Variants in ATG7 observed in about 807,000 individuals in gnomAD.
ATG7 encodes the protein ubiquitin-like modifier-activating enzyme ATG7.
ATG7 carries 70 observed loss-of-function variants against 82.4 expected under a neutral mutation model. That is an observed-to-expected ratio of 0.85 (90% CI 0.70 to 1.04). The LOEUF (loss-of-function observed/expected upper bound fraction) is 1.04, where lower values mean the gene tolerates loss of function less well. Ranked by LOEUF, ATG7 falls within the 50% of genes least tolerant of loss-of-function variation. ATG7 has a pLI of 0.00. For synonymous variants in ATG7, 287 were observed against 313.0 expected, an observed-to-expected ratio of 0.92 and a Z score of 0.88; for missense variants, 792 against 864.3, an observed-to-expected ratio of 0.92 and a Z score of 1.05.
At chr3:11,517,628 G>A (rs17536147) in intron 20 of ATG7, among the ~76,000 whole-genome samples, 2 of 152,328 alleles carry the variant, frequency 1.3e-5, no homozygotes, top group Admixed American at 1.3e-4. Context: ...GGCTTCACTA[G>A]AGGTTTTCGA....
At chr3:11,564,097 C>A in the ATG7 span, among the ~76,000 whole-genome samples, 2 of 152,192 alleles carry the variant, frequency 1.3e-5, no homozygotes, top group Non-Finnish European at 2.9e-5. Context: ...AGGTCGCAGT[C>A]CCTGGAGATT....
At chr3:11,503,661 C>CA (rs1284372259) in intron 20 of ATG7, among the ~76,000 whole-genome samples, 1 of 145,358 alleles carries the variant, frequency 6.9e-6, no homozygotes, top group Admixed American at 7.3e-5. Flanking sequence ...GAGGCTGAGG[C>CA]AGGAGAATCG....
At chr3:11,423,252 G>A (rs4684779) in intron 19 of ATG7, among the ~76,000 whole-genome samples, 2,696 of 152,176 alleles carry the variant, frequency 0.018, 82 homozygotes, top group East Asian at 0.084. Context: ...TATTAAGGTC[G>A]CCATCTTATA....
chr3:11,461,238 C>G (rs571204372), intron 20 of ATG7, among the ~76,000 whole-genome samples: 77 of 152,294 alleles, frequency 5.1e-4, no homozygotes, highest in Non-Finnish European at 9.9e-4. Flanking sequence ...TGGCATTTTA[C>G]CCAAGGCCAT....
At chr3:11,559,246 G>A (rs1029171519), downstream of ATG7, 32 of 1,453,540 alleles carry the variant, frequency 2.2e-5, no homozygotes, top group African/African-American at 7.1e-5. Context: ...GCTCAGGGGC[G>A]AGAGGTTTCA....
chr3:11,324,845 CCTTT>C (rs2152743023), intron 9 of ATG7, among the ~76,000 whole-genome samples: 1 of 152,054 alleles, frequency 6.6e-6, no homozygotes, highest in Admixed American at 6.5e-5. Context: ...AGAACTTATC[CCTTT>C]CTTTTCTTTG....
At chr3:11,405,085 T>A (rs1302102630) in intron 19 of ATG7, among the ~76,000 whole-genome samples, 1 of 152,186 alleles carries the variant, frequency 6.6e-6, no homozygotes, top group Non-Finnish European at 1.5e-5. Flanking sequence ...AGCTGTTACA[T>A]ACCAAGTCAG....
rs186873514 is a variant in ATG7, at chr3:11,492,210, G to A, written c.2080-62601G>A. On this transcript the variant is annotated intron_variant, in intron 20 of 20. Coordinates refer to ENST00000693202, the MANE Select transcript of ATG7 (RefSeq NM_001349232.2). ...TCGGAAAGGCGCAGTATTAGGGTGG[G>A]AGTGACCCGATTTTCCAGTTGCCGT... Among the ~76,000 whole-genome samples the A allele has an allele frequency of 5.5e-4, 84 of 152,366 alleles. 1 individual carries two copies. Among genetic ancestry groups the A allele is most frequent in the African/African-American group, 1.9e-3 (81 of 41,586 alleles).
chr3:11,553,982 G>A (rs1028035891), intron 20 of ATG7, among the ~76,000 whole-genome samples: 4 of 152,144 alleles, frequency 2.6e-5, no homozygotes, highest in Non-Finnish European at 5.9e-5. Context: ...TTCAGGGACT[G>A]GCCCTCCAGG....
chr3:11,321,773 A>G (rs1304848528), intron 9 of ATG7, among the ~76,000 whole-genome samples: 1 of 152,204 alleles, frequency 6.6e-6, no homozygotes, highest in Non-Finnish European at 1.5e-5. Flanking sequence ...GGCTGTGAGA[A>G]CTAAGAATCA....
chr3:11,432,957 A>C (rs1162656359), intron 20 of ATG7, among the ~76,000 whole-genome samples: 2 of 152,100 alleles, frequency 1.3e-5, no homozygotes, highest in Non-Finnish European at 2.9e-5. Flanking sequence ...AGGGTGTCCA[A>C]GTCATGGAGC....
chr3:11,410,570 A>T (rs1289663614), intron 19 of ATG7, among the ~76,000 whole-genome samples: 1 of 152,186 alleles, frequency 6.6e-6, no homozygotes, highest in African/African-American at 2.4e-5. Context: ...GAAACTCTAT[A>T]ACCATCAAAC....
intron 9 of ATG7, among the ~76,000 whole-genome samples, chr3:11,323,430 CAT>C (rs1950468674): frequency 1.3e-5 from 2 of 152,182 alleles, no homozygotes; most frequent in Non-Finnish European, 2.9e-5. Flanking sequence ...GTATTGTACA[CAT>C]GTGTTAGGTT....
intron 19 of ATG7, among the ~76,000 whole-genome samples, chr3:11,391,339 T>TC (rs1206627366): frequency 6.6e-6 from 1 of 152,216 alleles, no homozygotes; most frequent in Non-Finnish European, 1.5e-5. Context: ...GGTTTAATGT[T>TC]CCCCGGAGCA....
At position 11,450,083 on chromosome 3, in the gene ATG7, C is replaced by T. The variant is rs568823261; in HGVS notation, c.2079+23157C>T. Among the ~76,000 whole-genome samples, 4 of 152,330 alleles carry T rather than the reference C, an allele frequency of 2.6e-5. No homozygotes were observed. The South Asian group carries it at 8.3e-4, about 32-fold the overall frequency. ...ATAATAATGATGTAATGGCTAGTCT[C>T]TTGAGAACTTGCTGTGTTCCATACA... is the stretch of plus-strand genomic sequence containing the variant. On this transcript the variant is annotated intron_variant, in intron 20 of 20. Coordinates refer to ENST00000693202, the MANE Select transcript of ATG7 (RefSeq NM_001349232.2).
chr3:11,313,040 C>T (rs1257169746), intron 7 of ATG7, among the ~76,000 whole-genome samples: 1 of 152,104 alleles, frequency 6.6e-6, no homozygotes, highest in Non-Finnish European at 1.5e-5. Context: ...ACATATTGCA[C>T]ATTTTCTGTT....
At chr3:11,280,414 A>T (rs920329450) in intron 1 of ATG7, among the ~76,000 whole-genome samples, 2 of 152,192 alleles carry the variant, frequency 1.3e-5, no homozygotes, top group African/African-American at 4.8e-5. Context: ...GAGAAGTTGA[A>T]TGACTTGTCC....
chr3:11,432,940 G>A (rs2083039135), intron 20 of ATG7, among the ~76,000 whole-genome samples: 1 of 152,122 alleles, frequency 6.6e-6, no homozygotes, highest in African/African-American at 2.4e-5. Flanking sequence ...TAAAGCTGAT[G>A]AACCACAGGG....
At chr3:11,496,126 A>G (rs189360811) in intron 20 of ATG7, among the ~76,000 whole-genome samples, 1 of 152,296 alleles carries the variant, frequency 6.6e-6, no homozygotes, top group East Asian at 1.9e-4. Flanking sequence ...CCGTGAGAGG[A>G]AAGGCCATTA....
Sources: allele counts gnomAD v4.1 joint callset (sites outside exome capture counted in the v4.1 genomes callset), GRCh38; gene constraint gnomAD v4.1.1; transcripts MANE v1.5; gene names NCBI Gene and HGNC (gene_info 2026-07-23, HGNC 2026-07-21).